The following SGPL1 variants were observed in gnomAD, a reference collection of about 807,000 sequenced individuals.
SGPL1 encodes SP-lyase 1.
A neutral mutation model predicts 68.9 loss-of-function variants in SGPL1; 37 were observed. The observed-to-expected ratio is 0.54, with a 90% CI of 0.41 to 0.71. The LOEUF is 0.71. Ranked by LOEUF, SGPL1 falls within the 30% of genes least tolerant of loss-of-function variation. The pLI, the probability that SGPL1 is intolerant of heterozygous loss-of-function variation, is 0.00. For synonymous variants in SGPL1, 236 were observed against 248.5 expected (o/e 0.95, Z 0.47); for missense variants, 551 against 704.6 (o/e 0.78, Z 2.47).
At chr10:70,851,080 G>A in intron 3 of SGPL1, 63 bp from the exon 4 acceptor site, 11 of 1,256,150 alleles carry the variant, frequency 8.8e-6, no homozygotes, top group Non-Finnish European at 1.3e-5. Context: ...TTGAATGGTT[G>A]CTATATGCCA....
chr10:70,855,272 T>C (rs901807267), intron 5 of SGPL1, among the ~76,000 whole-genome samples: 6 of 152,382 alleles, frequency 3.9e-5, no homozygotes, highest in African/African-American at 1.4e-4. Context: ...CATGTAGCTA[T>C]AGGTAGAGCT....
At chr10:70,860,523 C>T (rs1478458314) in intron 7 of SGPL1, 2 of 445,568 alleles carry the variant, frequency 4.5e-6, no homozygotes, top group Non-Finnish European at 9.1e-6. Flanking sequence ...CTGTTAAAAA[C>T]AGAACCACCC....
intron 3 of SGPL1, among the ~76,000 whole-genome samples, chr10:70,850,236 C>T (rs1243342972): frequency 6.6e-6 from 1 of 152,078 alleles, no homozygotes; most frequent in East Asian, 1.9e-4. Context: ...GCTGGTCTCA[C>T]CCTCCTGTGC....
Position 70,851,206 on chromosome 10 carries a change from G to T in SGPL1, c.257G>T (p.Arg86Leu). ...ACCAGGAAGATGCCCATTATTGGTC[G>T]TAAGGTAAGTAGAATCTGTGTATGT... ...KLTRKMPIIG[R>L]KIQDKLNKTK... Residue 86 changes from arginine to leucine, a missense_variant, in exon 4 of 15, where the codon CGT becomes CTT. Physicochemically the swap from Arg to Leu is moderately radical, Grantham distance 102. Coordinates refer to ENST00000373202, the MANE Select transcript of SGPL1 (RefSeq NM_003901.4). The T allele has an allele frequency of 6.2e-7, 1 of 1,610,868 alleles. No homozygotes were observed. The highest frequency in any genetic ancestry group is 1.1e-5 in the South Asian group (1 of 90,986).
chr10:70,836,998 A>AT (rs1845636918), intron 2 of SGPL1, among the ~76,000 whole-genome samples: 2 of 151,972 alleles, frequency 1.3e-5, no homozygotes, highest in African/African-American at 4.8e-5. Context: ...ATTCTCATTA[A>AT]TTAAATTTTA....
At chr10:70,875,250 CTCT>C in intron 12 of SGPL1, 149 bp from the exon 13 acceptor site, 1 of 586,512 alleles carries the variant, frequency 1.7e-6, no homozygotes, top group Non-Finnish European at 3.0e-6. Context: ...CAGTGTAGCC[CTCT>C]TCTTTTTTGA....
At chr10:70,828,744 G>A (rs1845481120) in intron 2 of SGPL1, among the ~76,000 whole-genome samples, 1 of 152,174 alleles carries the variant, frequency 6.6e-6, no homozygotes, top group Non-Finnish European at 1.5e-5. Context: ...GGCTATTGTA[G>A]TAACACTTTA....
rs555223011 is a variant in SGPL1, at chr10:70,854,663, C to G, written c.262-45C>G. The G allele has an allele frequency of 1.5e-4, 235 of 1,565,744 alleles. 3 individuals are homozygous for G. The South Asian group carries it at 2.7e-3, about 18-fold the overall frequency. On this transcript the variant is annotated intron_variant, in intron 4 of 14. Transcript: ENST00000373202. ...TGTCATAATAATTCTGCTGTCTCTACTGTACTCTTGCATCTGGATAACTTT... is the reference window on the plus strand; with the variant it reads ...TGTCATAATAATTCTGCTGTCTCTAGTGTACTCTTGCATCTGGATAACTTT...
intron 8 of SGPL1, 50 bp downstream of exon 8, chr10:70,868,483 T>C (rs372541665): frequency 1.4e-6 from 2 of 1,424,096 alleles, no homozygotes; most frequent in African/African-American, 2.8e-5. Context: ...CTGTCTGGAG[T>C]ACAGCTTTAT....
At chr10:70,863,087 G>A (rs1478231167) in intron 7 of SGPL1, among the ~76,000 whole-genome samples, 1 of 152,090 alleles carries the variant, frequency 6.6e-6, no homozygotes, top group Non-Finnish European at 1.5e-5. Flanking sequence ...CTGGGCTCAA[G>A]CGACCCTCCC....
At chr10:70,846,151 G>C in intron 3 of SGPL1, among the ~76,000 whole-genome samples, 1 of 152,144 alleles carries the variant, frequency 6.6e-6, no homozygotes. Flanking sequence ...TAAAAACCTT[G>C]TCCTCAGTTG....
At chr10:70,852,704 GTA>G (rs1475938034) in intron 4 of SGPL1, among the ~76,000 whole-genome samples, 8 of 122,600 alleles carry the variant, frequency 6.5e-5, no homozygotes, top group East Asian at 4.6e-4. Context: ...TTACATGTGT[GTA>G]TGTGTGTGTG....
chr10:70,818,276 A>T (rs1845274820), intron 2 of SGPL1, among the ~76,000 whole-genome samples: 1 of 152,134 alleles, frequency 6.6e-6, no homozygotes, highest in Non-Finnish European at 1.5e-5. Flanking sequence ...GCACACCACC[A>T]TGCCTGGGTA....
intron 4 of SGPL1, among the ~76,000 whole-genome samples, chr10:70,852,416 G>A (rs899568401): frequency 6.6e-6 from 1 of 152,146 alleles, no homozygotes; most frequent in Non-Finnish European, 1.5e-5. Flanking sequence ...ATCCCTAAAA[G>A]TAAATCTAGT....
At chr10:70,869,498 G>A (rs11595407) in intron 8 of SGPL1, 10,227 of 223,002 alleles carry the variant, frequency 0.046, 309 homozygotes, top group Non-Finnish European at 0.06. Flanking sequence ...CTGTCCCCCA[G>A]CTTTCCGCCT....
rs769907360 is a variant in SGPL1, at chr10:70,842,611, GA to G, written c.28-1861del. Among the ~76,000 whole-genome samples, 184 of 152,212 alleles carry G rather than the reference GA, an allele frequency of 1.2e-3. 1 individual carries two copies. The highest frequency in any genetic ancestry group is 4.5e-3 in the Admixed American group (69 of 15,280). On this transcript the variant is annotated intron_variant, in intron 2 of 14. Coordinates refer to ENST00000373202, the MANE Select transcript of SGPL1 (RefSeq NM_003901.4). ...ATGGCAAGAGTGAGAGCAAGAAAGA[GA>G]GTGGGGGGAGGTCCTAGGCTTATAA...
In SGPL1 at chr10:70,880,135, T is replaced by G. The variant is rs947583239; in HGVS notation, c.*2800T>G. On this transcript the variant is annotated 3_prime_UTR_variant, in exon 15 of 15. Transcript: ENST00000373202. ...ATTACTGTGGATGGTTGCATTCATT[T>G]GATTACTTGGGCACACACGAGATGA... 3 of 152,654 alleles carry G rather than the reference T, an allele frequency of 2.0e-5. No homozygotes were observed. The highest frequency in any genetic ancestry group is 7.2e-5 in the African/African-American group (3 of 41,456). 9.5% of individuals were successfully genotyped at this position (152,654 alleles called of 1,614,324 possible).
intron 2 of SGPL1, among the ~76,000 whole-genome samples, chr10:70,839,944 T>TA (rs1845689533): frequency 1.3e-5 from 2 of 152,110 alleles, no homozygotes; most frequent in African/African-American, 4.8e-5. Flanking sequence ...CATGATGTTT[T>TA]AAGAAAGTTT....
intron 7 of SGPL1, among the ~76,000 whole-genome samples, chr10:70,861,340 T>TA (rs2131916803): frequency 6.6e-6 from 1 of 152,218 alleles, no homozygotes; most frequent in Admixed American, 6.5e-5. Flanking sequence ...GAAAATAGAT[T>TA]ACCTACAAAG....
Sources: gnomAD v4.1 joint callset for allele counts (sites outside exome capture counted in the v4.1 genomes callset) on GRCh38, gnomAD v4.1.1 for gene constraint, MANE v1.5 for transcripts, NCBI Gene and HGNC (gene_info 2026-07-23, HGNC 2026-07-21) for gene names.